Variants in ZNF679 observed in about 807,000 individuals in gnomAD.
ZNF679 encodes the protein zinc finger protein 679, also known as hypothetical protein MGC42415.
In ZNF679, 10 loss-of-function variants were observed where a neutral mutation model predicts 13.4. The ratio of observed to expected loss-of-function variants is 0.75; its 90% CI spans 0.46 to 1.27. The LOEUF is 1.27. Ranked by LOEUF, ZNF679 falls within the 50% of genes most tolerant of loss-of-function variation. The pLI, the probability that ZNF679 is intolerant of heterozygous loss-of-function variation, is 0.00. For synonymous variants in ZNF679, 179 were observed against 162.5 expected (o/e 1.10, Z -0.77); for missense variants, 525 against 477.8 (o/e 1.10, Z -0.92).
At chr7:64,250,892 C>T (rs1787936608) in intron 2 of ZNF679, among the ~76,000 whole-genome samples, 1 of 152,088 alleles carries the variant, frequency 6.6e-6, no homozygotes, top group African/African-American at 2.4e-5. Context: ...AGGCCTCAAC[C>T]GTGTCTTAAA....
chr7:64,236,872 A>G lies in ZNF679; in HGVS notation c.-91+8220A>G, dbSNP rs1409701294. On this transcript the variant is annotated intron_variant, in intron 1 of 4. Coordinates refer to ENST00000421025, the MANE Select transcript of ZNF679 (RefSeq NM_153363.3). Reference sequence around the variant, plus strand: ...AAACAAAAGAAAGAAAAAAAGAAAGAAGAAAGAGAAAGAAAGAAAAAAAGA... The same window carrying G: ...AAACAAAAGAAAGAAAAAAAGAAAGGAGAAAGAGAAAGAAAGAAAAAAAGA... 2.8e-5 allele frequency among the ~76,000 whole-genome samples: 4 copies of G among 141,262 alleles called. No individual in the cohort carries two copies. In the East Asian group the frequency reaches 8.9e-4, roughly 32 times the overall value. The allele number at this position is 141,262 out of a possible 152,430, so 92.7% of individuals were successfully genotyped here. A position where few individuals can be genotyped will look rare whatever the true frequency, so the allele number is the denominator to read the frequency against.
intron 2 of ZNF679, among the ~76,000 whole-genome samples, chr7:64,259,753 C>T (rs1276019112): frequency 6.6e-6 from 1 of 151,946 alleles, no homozygotes; most frequent in Non-Finnish European, 1.5e-5. Flanking sequence ...CGTGGAGAAA[C>T]CCCATCTCTA....
chr7:64,241,940 G>T (rs1187097394), intron 1 of ZNF679, among the ~76,000 whole-genome samples: 1 of 152,192 alleles, frequency 6.6e-6, no homozygotes, highest in Non-Finnish European at 1.5e-5. Context: ...AAAGGTTTAA[G>T]GATAAGATTT....
intron 1 of ZNF679, among the ~76,000 whole-genome samples, chr7:64,238,131 T>G (rs1467010159): frequency 6.6e-6 from 1 of 152,094 alleles, no homozygotes; most frequent in East Asian, 1.9e-4. Context: ...TTTGCTTAAG[T>G]TTTTATCTTT....
rs1480845631 is a variant in ZNF679 at position 64,239,111 on chromosome 7, A to C, written c.-90-9917A>C. On this transcript the variant is annotated intron_variant, in intron 1 of 4. Transcript: ENST00000421025. ...GTAGGAACACACAGCCAAAAGTAGT[A>C]ATTGTCACATGCCCATGTGTACACA... Among the ~76,000 whole-genome samples, 8 of 152,296 alleles carry C rather than the reference A, an allele frequency of 5.3e-5. No individual in the cohort carries two copies. In the East Asian group the frequency reaches 1.5e-3, roughly 29 times the overall value.
intron 2 of ZNF679, 126 bp from the exon 3 acceptor site, chr7:64,260,095 T>C (rs1788054995): frequency 1.2e-5 from 10 of 800,510 alleles, no homozygotes; most frequent in Non-Finnish European, 1.5e-5. Flanking sequence ...TTTTAGTCAC[T>C]CTTATAAGTG....
At chr7:64,252,520 A>C (rs1787955976) in intron 2 of ZNF679, among the ~76,000 whole-genome samples, 1 of 152,180 alleles carries the variant, frequency 6.6e-6, no homozygotes, top group African/African-American at 2.4e-5. Flanking sequence ...CAGTATTCTA[A>C]GGCTTAGCTT....
intron 1 of ZNF679, among the ~76,000 whole-genome samples, chr7:64,229,986 G>A (rs1280175568): frequency 6.6e-6 from 1 of 152,162 alleles, no homozygotes; most frequent in Non-Finnish European, 1.5e-5. Flanking sequence ...CTTAAATGTT[G>A]GGCCCAGAAA....
At chr7:64,245,637 C>T (rs781240161) in intron 1 of ZNF679, among the ~76,000 whole-genome samples, 2 of 152,154 alleles carry the variant, frequency 1.3e-5, no homozygotes, top group Non-Finnish European at 2.9e-5. Flanking sequence ...GAGGAAAAAG[C>T]TCCCCTTGTT....
At chr7:64,243,173 A>G (rs1459947894) in intron 1 of ZNF679, among the ~76,000 whole-genome samples, 1 of 152,202 alleles carries the variant, frequency 6.6e-6, no homozygotes, top group Non-Finnish European at 1.5e-5. Flanking sequence ...TAGAAGGCCC[A>G]GATCATTACC....
chr7:64,266,204 A>G lies in ZNF679; in HGVS notation c.571A>G (p.Lys191Glu). 1 of 1,583,672 alleles carries G rather than the reference A, an allele frequency of 6.3e-7. No individual in the cohort carries two copies. Among genetic ancestry groups the G allele is most frequent in the South Asian group, 1.1e-5 (1 of 88,448 alleles). ...KKHFKCKKYG[K>E]SFCMVSQLHQ... ...ACATTTCAAATGTAAAAAATATGGC[A>G]AATCATTTTGCATGGTTTCACAACT... is the stretch of plus-strand genomic sequence containing the variant. The change falls in exon 5 of 5, where the codon AAA (lysine) becomes GAA (glutamate). Residue 191 changes from lysine (K) to glutamate (E), a missense_variant. Lys to Glu is a moderately conservative substitution (Grantham distance 56). Coordinates refer to ENST00000421025, the MANE Select transcript of ZNF679 (RefSeq NM_153363.3).
chr7:64,263,551 G>C (rs1208860978), intron 4 of ZNF679, among the ~76,000 whole-genome samples: 1 of 152,152 alleles, frequency 6.6e-6, no homozygotes, highest in African/African-American at 2.4e-5. Context: ...CTAATGAGAG[G>C]TGTTTGCATC....
intron 1 of ZNF679, among the ~76,000 whole-genome samples, chr7:64,235,155 T>G (rs1372208398): frequency 6.6e-6 from 1 of 152,108 alleles, no homozygotes; most frequent in African/African-American, 2.4e-5. Context: ...CTTTTTAAAT[T>G]ATAATTTAAT....
In ZNF679 at chr7:64,265,878, G is replaced by A; in HGVS notation, c.263-18G>A. 1.2e-6 allele frequency: 2 copies of A among 1,606,134 alleles called. No individual in the cohort carries two copies. The highest frequency in any genetic ancestry group is 1.1e-5 in the South Asian group (1 of 90,074). On this transcript the variant is annotated intron_variant, in intron 4 of 4. Transcript: ENST00000421025. ...GGGTGTAGTAAGTGAAGTAACTTGT[G>A]ATTTTTATGTCTTTCAGTTATGTGT...
At chr7:64,249,831 T>C (rs1041634436) in intron 2 of ZNF679, among the ~76,000 whole-genome samples, 10 of 152,204 alleles carry the variant, frequency 6.6e-5, no homozygotes, top group Admixed American at 5.9e-4. Context: ...TTCAATATAG[T>C]AATTTCCAAG....
At chr7:64,228,879 CA>C (rs1787597451) in intron 1 of ZNF679, among the ~76,000 whole-genome samples, 2 of 152,206 alleles carry the variant, frequency 1.3e-5, no homozygotes, top group Non-Finnish European at 1.5e-5. Flanking sequence ...AGAACCTCAA[CA>C]GTGAGCTGTG....
intron 1 of ZNF679, among the ~76,000 whole-genome samples, chr7:64,239,763 T>C (rs775285293): frequency 1.3e-5 from 2 of 152,112 alleles, no homozygotes; most frequent in African/African-American, 2.4e-5. Context: ...CTGGCCTAAG[T>C]AAAAAGGTAA....
chr7:64,244,194 G>A lies in ZNF679; in HGVS notation c.-90-4834G>A, dbSNP rs534644589. On this transcript the variant is annotated intron_variant, in intron 1 of 4. Coordinates refer to ENST00000421025, the MANE Select transcript of ZNF679 (RefSeq NM_153363.3). ...GATCCCGGTAGGTGGAGGTTGCAGTGAGCCAAGATTGTGCCACTGCACTCC... is the reference window on the plus strand; with the variant it reads ...GATCCCGGTAGGTGGAGGTTGCAGTAAGCCAAGATTGTGCCACTGCACTCC... Among the ~76,000 whole-genome samples, 9 of 152,108 alleles carry A rather than the reference G, an allele frequency of 5.9e-5. No homozygotes were observed. The South Asian group carries it at 1.9e-3, about 32-fold the overall frequency.
rs557664787 is a variant in ZNF679, at chr7:64,263,382, C to G, written c.262+2453C>G. Among the ~76,000 whole-genome samples the G allele has an allele frequency of 3.3e-5, 5 of 152,264 alleles. No individual in the cohort carries two copies. In the East Asian group the frequency reaches 9.6e-4, roughly 29 times the overall value. On this transcript the variant is annotated intron_variant, in intron 4 of 4. Transcript: ENST00000421025. ...CTGAGAGTACACCTGTGAGCCACTGCACCTGGCTGATCTTTTGAAATTTGC... is the reference window on the plus strand; with the variant it reads ...CTGAGAGTACACCTGTGAGCCACTGGACCTGGCTGATCTTTTGAAATTTGC...
Sources: allele counts gnomAD v4.1 joint callset (sites outside exome capture counted in the v4.1 genomes callset), GRCh38; gene constraint gnomAD v4.1.1; transcripts MANE v1.5; gene names NCBI Gene and HGNC (gene_info 2026-07-23, HGNC 2026-07-21).